The following CATSPERQ variants were observed in gnomAD, a reference collection of about 807,000 sequenced individuals.
CATSPERQ encodes catsper channel auxiliary subunit theta.
chr8:144,354,574 T>TC, the CATSPERQ span: 4 of 322,966 alleles, frequency 1.2e-5, no homozygotes, highest in Admixed American at 5.8e-5. This position sits in a 1 kb window ranked among gnomAD's most constrained non-coding sequence, Gnocchi z 4.6. Flanking sequence ...GCCCCGCCCT[T>TC]CCCAGCCCCG....
chr8:144,354,687 G>A, the CATSPERQ span: 1 of 1,535,620 alleles, frequency 6.5e-7, no homozygotes, highest in East Asian at 2.4e-5. This position sits in a 1 kb window ranked among gnomAD's most constrained non-coding sequence, Gnocchi z 4.6. Context: ...GGCGCTCCGG[G>A]CAGGTGAGTC....
the CATSPERQ span, chr8:144,354,553 C>CCACCAG: frequency 1.1e-6 from 1 of 920,114 alleles, no homozygotes; most frequent in Non-Finnish European, 1.6e-6. This position sits in a 1 kb window ranked among gnomAD's most constrained non-coding sequence, Gnocchi z 4.6. Flanking sequence ...GGCCCGTCTC[C>CCACCAG]CTCCTCCCCC....
At chr8:144,354,137 C>G in the CATSPERQ span, 2 of 1,534,818 alleles carry the variant, frequency 1.3e-6, no homozygotes, top group Non-Finnish European at 1.7e-6. The surrounding 1 kb of genome is among the most constrained non-coding windows in gnomAD (Gnocchi z 4.6). Context: ...ACCCAGGTCT[C>G]TTGCTTCTGC....
At chr8:144,354,798 G>C in the CATSPERQ span, 1 of 1,524,242 alleles carries the variant, frequency 6.6e-7, no homozygotes, top group African/African-American at 1.4e-5. The surrounding 1 kb of genome is among the most constrained non-coding windows in gnomAD (Gnocchi z 4.6). Context: ...CAGCCTGGCC[G>C]CTCGTCCGCT....
At chr8:144,354,555 TCCTCC>T in the CATSPERQ span, 1 of 681,608 alleles carries the variant, frequency 1.5e-6, no homozygotes, top group Non-Finnish European at 2.2e-6. This position sits in a 1 kb window ranked among gnomAD's most constrained non-coding sequence, Gnocchi z 4.6. Flanking sequence ...CCCGTCTCCC[TCCTCC>T]CCCGCCCCGC....
the CATSPERQ span, chr8:144,354,882 A>G: frequency 7.0e-7 from 1 of 1,429,278 alleles, no homozygotes; most frequent in Non-Finnish European, 9.2e-7. The surrounding 1 kb of genome is among the most constrained non-coding windows in gnomAD (Gnocchi z 4.6). Context: ...CCCAGGAAGG[A>G]GCAGGAGCTC....
the CATSPERQ span, chr8:144,354,558 T>TGCCCCC: frequency 5.9e-6 from 3 of 504,390 alleles, no homozygotes; most frequent in Non-Finnish European, 9.6e-6. The surrounding 1 kb of genome is among the most constrained non-coding windows in gnomAD (Gnocchi z 4.6). Flanking sequence ...GTCTCCCTCC[T>TGCCCCC]CCCCCGCCCC....
the CATSPERQ span, chr8:144,353,731 C>A: frequency 5.9e-6 from 9 of 1,529,856 alleles, no homozygotes; most frequent in Admixed American, 5.9e-5. Context: ...AAACAGTGAT[C>A]GGTGTCATCG....
At chr8:144,354,558 T>TGCCCC in the CATSPERQ span, 1 of 504,386 alleles carries the variant, frequency 2.0e-6, no homozygotes, top group Non-Finnish European at 3.2e-6. The surrounding 1 kb of genome is among the most constrained non-coding windows in gnomAD (Gnocchi z 4.6). Flanking sequence ...GTCTCCCTCC[T>TGCCCC]CCCCCGCCCC....
chr8:144,354,572 C>CCA, the CATSPERQ span: 58 of 776,326 alleles, frequency 7.5e-5, no homozygotes, highest in Non-Finnish European at 9.9e-5. The surrounding 1 kb of genome is among the most constrained non-coding windows in gnomAD (Gnocchi z 4.6). Flanking sequence ...CCGCCCCGCC[C>CCA]TTCCCAGCCC....
the CATSPERQ span, chr8:144,354,451 T>G: frequency 7.7e-7 from 1 of 1,306,366 alleles, no homozygotes; most frequent in African/African-American, 1.6e-5. This position sits in a 1 kb window ranked among gnomAD's most constrained non-coding sequence, Gnocchi z 4.6. Flanking sequence ...ACGTCTCGCC[T>G]GCGGCCTCTC....
chr8:144,353,642 C>T, the CATSPERQ span: 1 of 1,458,490 alleles, frequency 6.9e-7, no homozygotes, highest in Non-Finnish European at 9.2e-7. Context: ...AGCCCCGGCG[C>T]CCTCTCCACG....
chr8:144,354,710 G>A, the CATSPERQ span: 1 of 1,535,544 alleles, frequency 6.5e-7, no homozygotes, highest in Non-Finnish European at 8.7e-7. The surrounding 1 kb of genome is among the most constrained non-coding windows in gnomAD (Gnocchi z 4.6). Flanking sequence ...AGGAACCAGA[G>A]CTGGAAGCGC....
the CATSPERQ span, chr8:144,353,269 G>A: frequency 3.5e-6 from 5 of 1,419,762 alleles, no homozygotes; most frequent in Non-Finnish European, 3.7e-6. Flanking sequence ...CAGTGAGTGG[G>A]ACTCACATTT....
chr8:144,353,873 G>T, the CATSPERQ span: 1 of 1,533,844 alleles, frequency 6.5e-7, no homozygotes, highest in East Asian at 2.4e-5. Context: ...GCTGCGGGGA[G>T]AGCGGACTTA....
the CATSPERQ span, chr8:144,354,402 G>T: frequency 6.8e-7 from 1 of 1,470,916 alleles, no homozygotes; most frequent in Non-Finnish European, 9.1e-7. This position sits in a 1 kb window ranked among gnomAD's most constrained non-coding sequence, Gnocchi z 4.6. Flanking sequence ...CCAAGGCTTG[G>T]CCCGGACTAG....
chr8:144,354,554 C>CAACA, the CATSPERQ span: 1 of 924,978 alleles, frequency 1.1e-6, no homozygotes, highest in Non-Finnish European at 1.6e-6. The surrounding 1 kb of genome is among the most constrained non-coding windows in gnomAD (Gnocchi z 4.6). Context: ...GCCCGTCTCC[C>CAACA]TCCTCCCCCG....
the CATSPERQ span, chr8:144,353,456 G>A: frequency 4.6e-6 from 7 of 1,535,856 alleles, no homozygotes; most frequent in South Asian, 7.1e-5. Flanking sequence ...CGTGCCGGTA[G>A]GAGGTGGCCA....
At chr8:144,353,757 G>A in the CATSPERQ span, 159 of 1,534,832 alleles carry the variant, frequency 1.0e-4, no homozygotes, top group Non-Finnish European at 6.2e-5. Flanking sequence ...TGAGGAGGGC[G>A]CGTGTCTGGG....
Sources: allele counts gnomAD v4.1 joint callset, GRCh38; gene constraint gnomAD v4.1.1; non-coding constraint Gnocchi (gnomAD v3.1); transcripts MANE v1.5; gene names NCBI Gene and HGNC (gene_info 2026-07-23, HGNC 2026-07-21).